The following CADPS variants were observed in gnomAD, a reference collection of about 807,000 sequenced individuals.
The protein encoded by CADPS is calcium-dependent secretion activator 1.
A neutral mutation model predicts 167.3 loss-of-function variants in CADPS; 57 were observed. That is an observed-to-expected ratio of 0.34 (90% CI 0.28 to 0.42). The LOEUF (loss-of-function observed/expected upper bound fraction) is 0.42, where lower values mean the gene tolerates loss of function less well. Among genes scored for constraint, CADPS ranks in the 20% least tolerant of loss-of-function variants. The pLI, the probability that CADPS is intolerant of heterozygous loss-of-function variation, is 1.00. For missense variants in CADPS, 1,414 were observed against 1,738.1 expected (o/e 0.81, Z 3.32); for synonymous variants, 676 against 635.3 (o/e 1.06, Z -0.96).
intron 28 of CADPS, among the ~76,000 whole-genome samples, chr3:62,414,895 C>T (rs1333751266): frequency 6.6e-6 from 1 of 151,946 alleles, no homozygotes; most frequent in African/African-American, 2.4e-5. Context: ...CCCAAACCCA[C>T]TCTCCCCTCA....
At chr3:62,703,354 T>G (rs1482185744) in intron 3 of CADPS, among the ~76,000 whole-genome samples, 1 of 152,134 alleles carries the variant, frequency 6.6e-6, no homozygotes, top group Non-Finnish European at 1.5e-5. Flanking sequence ...TTGGTAGGAA[T>G]GGAGAATGGT....
At chr3:62,439,954 A>G (rs1388304943) in intron 27 of CADPS, 1 of 152,208 alleles carries the variant, frequency 6.6e-6, no homozygotes, top group South Asian at 2.1e-4. Context: ...AGTGTGGTTC[A>G]TCTTACCCAT....
chr3:62,646,279 G>A (rs764819243), intron 5 of CADPS, among the ~76,000 whole-genome samples: 1 of 150,458 alleles, frequency 6.6e-6, no homozygotes, highest in African/African-American at 2.5e-5. Context: ...ATTCTCCTGC[G>A]TCGGCCTCCT....
intron 2 of CADPS, among the ~76,000 whole-genome samples, chr3:62,763,643 G>GGAAAGGA (rs2086118958): frequency 2.0e-5 from 3 of 152,060 alleles, no homozygotes; most frequent in Non-Finnish European, 4.4e-5. Context: ...AGGATGAAGG[G>GGAAAGGA]GAAAGGAGAA....
At chr3:62,613,160 G>T (rs1345236743) in intron 6 of CADPS, among the ~76,000 whole-genome samples, 1 of 152,142 alleles carries the variant, frequency 6.6e-6, no homozygotes, top group Non-Finnish European at 1.5e-5. Flanking sequence ...TTCCCTCTTA[G>T]TGTACTAAAG....
intron 26 of CADPS, among the ~76,000 whole-genome samples, chr3:62,454,156 T>C (rs1410661677): frequency 6.6e-6 from 1 of 152,224 alleles, no homozygotes; most frequent in Non-Finnish European, 1.5e-5. Flanking sequence ...AATGGAACCA[T>C]TTCAGATAAT....
intron 1 of CADPS, among the ~76,000 whole-genome samples, chr3:62,803,350 T>C (rs112743163): frequency 8.1e-6 from 1 of 123,434 alleles, no homozygotes; most frequent in Non-Finnish European, 1.8e-5. Context: ...TTTTTTTTTT[T>C]CTATATAGCA....
Position 62,458,975 on chromosome 3 carries a change from T to C in CADPS, c.3636+6392A>G, listed in dbSNP as rs1004660867. ...CTGAAGGGTTGCTTCAGACAGCAAG[T>C]GTGTTAATTGTTAACTCCATTTTCA... is the stretch of plus-strand genomic sequence containing the variant. On this transcript the variant is annotated intron_variant, in intron 26 of 29. Coordinates refer to ENST00000383710, the MANE Select transcript of CADPS (RefSeq NM_003716.4). The surrounding 1 kb of genome is among the most constrained non-coding windows in gnomAD (Gnocchi z 4.6). Among the ~76,000 whole-genome samples the C allele has an allele frequency of 1.3e-5, 2 of 152,240 alleles. No individual in the cohort carries two copies. Among genetic ancestry groups the C allele is most frequent in the East Asian group, 1.9e-4 (1 of 5,198 alleles).
intron 3 of CADPS, among the ~76,000 whole-genome samples, chr3:62,724,425 T>C (rs1484916106): frequency 1.3e-5 from 2 of 152,086 alleles, no homozygotes; most frequent in Non-Finnish European, 2.9e-5. Context: ...TAAAAACAAA[T>C]GAATCAAGGC....
At chr3:62,647,539 T>G (rs532797481) in intron 5 of CADPS, among the ~76,000 whole-genome samples, 5 of 152,342 alleles carry the variant, frequency 3.3e-5, no homozygotes, top group South Asian at 2.1e-4. Context: ...GATTTGATGT[T>G]GAAGTCACTT....
At chr3:62,775,901 C>T (rs920500599) in intron 1 of CADPS, among the ~76,000 whole-genome samples, 1 of 152,026 alleles carries the variant, frequency 6.6e-6, no homozygotes, top group Admixed American at 6.6e-5. Context: ...TGAAGTTGGC[C>T]GTTTTTAAGC....
chr3:62,724,649 G>C (rs1309745306), intron 3 of CADPS, among the ~76,000 whole-genome samples: 1 of 152,180 alleles, frequency 6.6e-6, no homozygotes, highest in East Asian at 1.9e-4. Flanking sequence ...CACACACACA[G>C]TCTTTACCTT....
In CADPS at chr3:62,694,323, T is replaced by C. The variant is rs79876413; in HGVS notation, c.889-31929A>G. 4.8e-3 allele frequency among the ~76,000 whole-genome samples: 736 copies of C among 152,244 alleles called. 11 individuals are homozygous for C. Among genetic ancestry groups the C allele is most frequent in the African/African-American group, 0.017 (693 of 41,520 alleles). On this transcript the variant is annotated intron_variant, in intron 3 of 29. Coordinates refer to ENST00000383710, the MANE Select transcript of CADPS (RefSeq NM_003716.4). ...TAATTGGTTTGATCATGCTCTAAGGTATTTATCTTATTGGTGCATTTATTT... is the reference window on the plus strand; with the variant it reads ...TAATTGGTTTGATCATGCTCTAAGGCATTTATCTTATTGGTGCATTTATTT...
At chr3:62,453,825 T>G (rs1162474422) in intron 26 of CADPS, among the ~76,000 whole-genome samples, 1 of 152,230 alleles carries the variant, frequency 6.6e-6, no homozygotes, top group East Asian at 1.9e-4. Context: ...CTGAAATGTC[T>G]TCTTTGCTTA....
At chr3:62,527,886 A>G (rs1018877782) in intron 13 of CADPS, among the ~76,000 whole-genome samples, 2 of 152,234 alleles carry the variant, frequency 1.3e-5, no homozygotes, top group African/African-American at 4.8e-5. Flanking sequence ...AATCTGGAAC[A>G]AAGAATAGAT....
At chr3:62,431,473 T>C (rs768344125) in intron 28 of CADPS, among the ~76,000 whole-genome samples, 87 of 152,246 alleles carry the variant, frequency 5.7e-4, no homozygotes, top group Non-Finnish European at 1.1e-3. Flanking sequence ...AAAACCCCGG[T>C]TGAATTCTGC....
At chr3:62,616,643 A>G (rs2062355247) in intron 6 of CADPS, among the ~76,000 whole-genome samples, 1 of 152,162 alleles carries the variant, frequency 6.6e-6, no homozygotes, top group African/African-American at 2.4e-5. Flanking sequence ...TATTAACAAC[A>G]GTAACATGTA....
intron 4 of CADPS, among the ~76,000 whole-genome samples, chr3:62,653,558 G>A (rs184236845): frequency 1.4e-3 from 217 of 150,800 alleles, no homozygotes; most frequent in African/African-American, 4.8e-3. Flanking sequence ...TTTAATTTCT[G>A]TCTTTCCTGC....
At chr3:62,647,796 G>T (rs541654968) in intron 5 of CADPS, among the ~76,000 whole-genome samples, 2 of 152,290 alleles carry the variant, frequency 1.3e-5, no homozygotes, top group South Asian at 4.1e-4. Flanking sequence ...ATCACGTGCA[G>T]GTTTCTCAAC....
Sources: gnomAD v4.1 joint callset for allele counts (sites outside exome capture counted in the v4.1 genomes callset) on GRCh38, gnomAD v4.1.1 for gene constraint, Gnocchi (gnomAD v3.1) non-coding constraint, MANE v1.5 for transcripts, NCBI Gene and HGNC (gene_info 2026-07-23, HGNC 2026-07-21) for gene names.